Variants in TRMT11 observed in about 807,000 individuals in gnomAD.
TRMT11 encodes the protein tRNA methyltransferase 11, also known as tRNA (guanine(10)-N(2))-methyltransferase TRMT11.
TRMT11 carries 53 observed loss-of-function variants against 62.8 expected under a neutral mutation model. The observed-to-expected ratio is 0.84, with a 90% CI of 0.68 to 1.06. The LOEUF is 1.06. Ranked by LOEUF, TRMT11 falls within the 50% of genes least tolerant of loss-of-function variation. The pLI is 0.00. For missense variants in TRMT11, 556 were observed against 553.4 expected, an observed-to-expected ratio of 1.00 and a Z score of -0.05; for synonymous variants, 188 against 190.3, an observed-to-expected ratio of 0.99 and a Z score of 0.10.
chr6:126,073,289 C>T (rs1045279233), intron 17 of TRMT11, among the ~76,000 whole-genome samples: 1 of 152,128 alleles, frequency 6.6e-6, no homozygotes, highest in Non-Finnish European at 1.5e-5. Context: ...TGAGTGCACT[C>T]CTACAGTCTC....
At chr6:126,014,370 C>T (rs191032837) in intron 11 of TRMT11, among the ~76,000 whole-genome samples, 56 of 152,288 alleles carry the variant, frequency 3.7e-4, no homozygotes, top group Non-Finnish European at 7.2e-4. Flanking sequence ...CCCACCTCAG[C>T]CTTCCGAGTA....
chr6:126,261,145 C>G, the TRMT11 span, among the ~76,000 whole-genome samples: 2 of 152,096 alleles, frequency 1.3e-5, no homozygotes, highest in Non-Finnish European at 2.9e-5. Context: ...GTTGTCCCTT[C>G]TGAGTTATTT....
At chr6:126,039,875 A>G (rs1004536205), downstream of TRMT11, among the ~76,000 whole-genome samples, 5 of 151,970 alleles carry the variant, frequency 3.3e-5, no homozygotes, top group African/African-American at 1.2e-4. Flanking sequence ...ACAGCTTAGG[A>G]CCTCTAAAAG....
intron 12 of TRMT11, among the ~76,000 whole-genome samples, chr6:126,037,513 A>G (rs889098540): frequency 6.6e-6 from 1 of 152,076 alleles, no homozygotes; most frequent in African/African-American, 2.4e-5. Flanking sequence ...TGTTTGCAGG[A>G]ATTTGGAACT....
At chr6:126,107,428 G>A (rs527881420) in intron 17 of TRMT11, among the ~76,000 whole-genome samples, 61 of 152,262 alleles carry the variant, frequency 4.0e-4, no homozygotes, top group African/African-American at 1.4e-3. Context: ...ACTGGAGTAT[G>A]TGTCTTGGAA....
chr6:126,266,055 A>G, the TRMT11 span, among the ~76,000 whole-genome samples: 1 of 152,150 alleles, frequency 6.6e-6, no homozygotes, highest in Non-Finnish European at 1.5e-5. Context: ...ATAGCTCACA[A>G]TCAAAATCTT....
At chr6:126,241,254 G>C in the TRMT11 span, among the ~76,000 whole-genome samples, 1 of 152,168 alleles carries the variant, frequency 6.6e-6, no homozygotes, top group Non-Finnish European at 1.5e-5. Context: ...ACCTCAGTTG[G>C]AAATGCAGAA....
chr6:126,136,202 TA>T (rs1481540516), intron 21 of TRMT11, among the ~76,000 whole-genome samples: 1 of 151,256 alleles, frequency 6.6e-6, no homozygotes, highest in Admixed American at 6.6e-5. Context: ...AAATTATTAT[TA>T]TTTTTTTTTG....
chr6:126,267,704 A>G, the TRMT11 span, among the ~76,000 whole-genome samples: 1 of 152,202 alleles, frequency 6.6e-6, no homozygotes, highest in Non-Finnish European at 1.5e-5. Context: ...AATTTTGCAT[A>G]ATGCCTTTTG....
chr6:126,036,408 C>G (rs1402127295), intron 12 of TRMT11, among the ~76,000 whole-genome samples: 1 of 152,042 alleles, frequency 6.6e-6, no homozygotes, highest in East Asian at 1.9e-4. Flanking sequence ...GGAGGCAGGG[C>G]AGCTGGCCAT....
chr6:126,009,858 T>C (rs992669296), intron 8 of TRMT11, among the ~76,000 whole-genome samples: 3 of 152,086 alleles, frequency 2.0e-5, no homozygotes, highest in Non-Finnish European at 4.4e-5. Context: ...ATTAAAGTTA[T>C]GTTTGGAAAC....
At chr6:126,063,580 T>C (rs571677805) in intron 17 of TRMT11, among the ~76,000 whole-genome samples, 10 of 152,356 alleles carry the variant, frequency 6.6e-5, no homozygotes, top group African/African-American at 2.4e-4. Flanking sequence ...GCTTCTCAAA[T>C]GTTAATGTGC....
At chr6:126,253,444 T>A in the TRMT11 span, among the ~76,000 whole-genome samples, 1 of 152,236 alleles carries the variant, frequency 6.6e-6, no homozygotes. Context: ...AGTGAATACA[T>A]AAACCAGTAA....
intron 1 of TRMT11, among the ~76,000 whole-genome samples, chr6:126,186,110 T>A (rs1038210349): frequency 2.3e-4 from 35 of 152,332 alleles, no homozygotes; most frequent in African/African-American, 8.4e-4. Context: ...AGCTTTACTT[T>A]AATTGTGAGA....
chr6:126,237,950 G>A, the TRMT11 span, among the ~76,000 whole-genome samples: 5 of 152,146 alleles, frequency 3.3e-5, no homozygotes, highest in African/African-American at 1.2e-4. Context: ...GAGGGTGTAT[G>A]TGTCGAGGAA....
chr6:126,185,930 T>A (rs1562343897), intron 1 of TRMT11, among the ~76,000 whole-genome samples: 1 of 152,128 alleles, frequency 6.6e-6, no homozygotes, highest in Non-Finnish European at 1.5e-5. Flanking sequence ...ATGGGGAAAC[T>A]GCCCCTATGA....
the TRMT11 span, among the ~76,000 whole-genome samples, chr6:126,220,538 A>T: frequency 6.6e-6 from 1 of 152,212 alleles, no homozygotes; most frequent in Admixed American, 6.5e-5. Context: ...CTATATCCAG[A>T]GTTTCACGCT....
chr6:126,141,184 A>G (rs1250328427), intron 21 of TRMT11, among the ~76,000 whole-genome samples: 1 of 152,092 alleles, frequency 6.6e-6, no homozygotes, highest in Admixed American at 6.6e-5. Context: ...TGGGGCTTGG[A>G]CTATTTCTAA....
At chr6:126,087,998 C>T (rs1231351361) in intron 17 of TRMT11, among the ~76,000 whole-genome samples, 2 of 152,072 alleles carry the variant, frequency 1.3e-5, no homozygotes, top group Non-Finnish European at 2.9e-5. Flanking sequence ...GTATGCATTG[C>T]CTCTCTAATT....
Sources: allele counts gnomAD v4.1 joint callset (sites outside exome capture counted in the v4.1 genomes callset), GRCh38; gene constraint gnomAD v4.1.1; transcripts MANE v1.5; gene names NCBI Gene and HGNC (gene_info 2026-07-23, HGNC 2026-07-21).